Variants in BPIFA3 observed in about 807,000 individuals in gnomAD.
BPIFA3 encodes the protein BPI fold containing family A member 3, also known as BPI fold-containing family A member 3.
In BPIFA3, 32 loss-of-function variants were observed where a neutral mutation model predicts 29.7. The ratio of observed to expected loss-of-function variants is 1.08; its 90% CI spans 0.81 to 1.45. The LOEUF is 1.45. Among genes scored for constraint, BPIFA3 ranks in the 40% most tolerant of loss-of-function variants. BPIFA3 has a pLI of 0.00. For missense variants in BPIFA3, 323 were observed against 311.3 expected, an observed-to-expected ratio of 1.04 and a Z score of -0.28; for synonymous variants, 112 against 113.7, an observed-to-expected ratio of 0.98 and a Z score of 0.10.
chr20:33,223,755 G>A (rs1985633347), intron 1 of BPIFA3, 56 bp from the exon 2 acceptor site: 5 of 1,567,924 alleles, frequency 3.2e-6, no homozygotes, highest in Non-Finnish European at 4.3e-6. Flanking sequence ...CGAATCCCAA[G>A]CCCCCCACCT....
In BPIFA3 at chr20:33,223,845, A is replaced by G; in HGVS notation, c.162A>G (p.Glu54=). The part of the protein sequence containing the change: ...IAQGLIKHNA[E]SRIQNIHFGD... ...AGGGCCTCATAAAGCACAACGCAGAAAGCCGAATTCAGAACATCCACTTTG... is the reference window on the plus strand; with the variant it reads ...AGGGCCTCATAAAGCACAACGCAGAGAGCCGAATTCAGAACATCCACTTTG... The change falls in exon 2 of 7, where the codon GAA becomes GAG. Residue 54 remains glutamate (E), a synonymous_variant. Transcript: ENST00000375454. The G allele has an allele frequency of 6.2e-7, 1 of 1,614,150 alleles. No individual in the cohort carries two copies. Among genetic ancestry groups the G allele is most frequent in the Non-Finnish European group, 8.5e-7 (1 of 1,179,962 alleles).
At chr20:33,225,442 A>T in intron 4 of BPIFA3, 195 bp downstream of exon 4, 1 of 667,984 alleles carries the variant, frequency 1.5e-6, no homozygotes, top group Non-Finnish European at 2.4e-6. Flanking sequence ...CTCCCTCCTC[A>T]CTCCTCAAGC....
In BPIFA3 at chr20:33,217,630, G is replaced by C. The variant is rs181900900; in HGVS notation, c.94G>C (p.Ala32Pro). Residue 32 changes from alanine (A) to proline (P), a missense_variant, in exon 1 of 7, where the codon GCC becomes CCC. Transcript: ENST00000375454. ...HKQPWPGLAQ[A>P]HRDNKSTLAR... Reference sequence around the variant, plus strand: ...GCAGCCTTGGCCTGGCCTGGCCCAAGCCCACAGAGACAACAAATCCACCCT... The same window carrying C: ...GCAGCCTTGGCCTGGCCTGGCCCAACCCCACAGAGACAACAAATCCACCCT... 8.2e-4 allele frequency: 1,322 copies of C among 1,613,998 alleles called. 8 individuals are homozygous for C. Among genetic ancestry groups the C allele is most frequent in the South Asian group, 5.7e-3 (523 of 91,064 alleles).
intron 4 of BPIFA3, 164 bp from the exon 5 acceptor site, chr20:33,226,242 G>A: frequency 1.6e-6 from 1 of 606,602 alleles, no homozygotes; most frequent in Non-Finnish European, 2.9e-6. Context: ...GTGACCTTGG[G>A]CAAGGTCTGA....
chr20:33,223,322 A>G (rs6120172), intron 1 of BPIFA3: 19,962 of 154,680 alleles, frequency 0.13, 4,347 homozygotes, highest in African/African-American at 0.45. Context: ...GACAAAATAG[A>G]AAGGACTTAA....
rs532125562 is a variant in BPIFA3 at position 33,223,840 on chromosome 20, G to A, written c.157G>A (p.Ala53Thr). 137 of 1,614,022 alleles carry A rather than the reference G, an allele frequency of 8.5e-5. No homozygotes were observed. In the South Asian group the frequency reaches 1.2e-3, roughly 14 times the overall value. The stretch of plus-strand genomic sequence containing the variant: ...TGCTCAGGGCCTCATAAAGCACAAC[G>A]CAGAAAGCCGAATTCAGAACATCCA... The part of the protein sequence containing the change: ...IIAQGLIKHN[A>T]ESRIQNIHFG... The change falls in exon 2 of 7, where the codon GCA becomes ACA. Residue 53 changes from alanine to threonine, a missense_variant. Coordinates refer to ENST00000375454, the MANE Select transcript of BPIFA3 (RefSeq NM_178466.5).
chr20:33,218,586 G>A (rs887016686), intron 1 of BPIFA3, among the ~76,000 whole-genome samples: 80 of 152,210 alleles, frequency 5.3e-4, no homozygotes, highest in African/African-American at 1.7e-3. Flanking sequence ...GCTTGCAGAC[G>A]GACACCTTCT....
At chr20:33,221,794 A>G (rs1019814651) in intron 1 of BPIFA3, among the ~76,000 whole-genome samples, 1 of 152,246 alleles carries the variant, frequency 6.6e-6, no homozygotes, top group African/African-American at 2.4e-5. Flanking sequence ...TGGTTGGCAT[A>G]AATGTATCCT....
intron 4 of BPIFA3, 90 bp downstream of exon 4, chr20:33,225,337 G>A: frequency 3.2e-6 from 5 of 1,564,676 alleles, no homozygotes; most frequent in Non-Finnish European, 3.5e-6. Flanking sequence ...TCCTAAATTA[G>A]TCCAAAGCAG....
chr20:33,226,807 A>T, intron 5 of BPIFA3, 123 bp from the exon 6 acceptor site: 2 of 1,156,866 alleles, frequency 1.7e-6, no homozygotes, highest in Non-Finnish European at 2.6e-6. Flanking sequence ...ACTACAAGGG[A>T]GCTGCTCTGG....
chr20:33,227,081 C>A, intron 6 of BPIFA3, 88 bp downstream of exon 6: 1 of 1,187,198 alleles, frequency 8.4e-7, no homozygotes, highest in Non-Finnish European at 1.3e-6. Context: ...CCCAGGGAGG[C>A]CTGCTAAGGG....
chr20:33,219,840 G>A (rs898887098), intron 1 of BPIFA3, among the ~76,000 whole-genome samples: 1 of 152,178 alleles, frequency 6.6e-6, no homozygotes, highest in Admixed American at 6.5e-5. Context: ...GAGCACGGTG[G>A]CTCCCTAGCA....
chr20:33,225,572 G>A lies in BPIFA3; in HGVS notation c.536+325G>A, dbSNP rs760433993. On this transcript the variant is annotated intron_variant, in intron 4 of 6. Transcript: ENST00000375454. The stretch of plus-strand genomic sequence containing the variant: ...AAACTCACCTGGCTTTCCCTGGCCC[G>A]GATCTCCCCTCCTACACTCCATTCC... The A allele has an allele frequency of 1.7e-5, 5 of 286,902 alleles. No homozygotes were observed. The South Asian group carries it at 1.9e-4, about 11-fold the overall frequency. 17.8% of individuals were successfully genotyped at this position (286,902 alleles called of 1,614,324 possible). A position where few individuals can be genotyped will look rare whatever the true frequency, so the allele number is the denominator to read the frequency against.
intron 5 of BPIFA3, 56 bp from the exon 6 acceptor site, chr20:33,226,874 T>G: frequency 1.9e-6 from 3 of 1,607,452 alleles, no homozygotes; most frequent in Non-Finnish European, 2.6e-6. Flanking sequence ...CACAGTCACT[T>G]CAGTTTTCCT....
At chr20:33,220,723 T>C (rs1347785157) in intron 1 of BPIFA3, among the ~76,000 whole-genome samples, 1 of 152,242 alleles carries the variant, frequency 6.6e-6, no homozygotes, top group African/African-American at 2.4e-5. Flanking sequence ...GCTGACCTCT[T>C]ATATTTTTAT....
Position 33,226,448 on chromosome 20 carries a change from A to T in BPIFA3, c.579A>T (p.Lys193Asn). The stretch of plus-strand genomic sequence containing the variant: ...TGAATCAGTTTCTCTACAACCTCAA[A>T]GAGAATCTGCAAAAAGTTCTCCCAC... The part of the protein sequence containing the change: ...PKMNQFLYNL[K>N]ENLQKVLPHM... The change falls in exon 5 of 7, where the codon AAA (lysine) becomes AAT (asparagine). Residue 193 changes from lysine to asparagine, a missense_variant. Lys to Asn is a moderately conservative substitution (Grantham distance 94). Coordinates refer to ENST00000375454, the MANE Select transcript of BPIFA3 (RefSeq NM_178466.5). 6.2e-7 allele frequency: 1 copy of T among 1,611,220 alleles called. No homozygotes were observed. The highest frequency in any genetic ancestry group is 8.5e-7 in the Non-Finnish European group (1 of 1,179,240).
chr20:33,224,007 C>T (rs756085923), intron 2 of BPIFA3, 46 bp downstream of exon 2: 2 of 1,598,526 alleles, frequency 1.3e-6, no homozygotes, highest in East Asian at 2.2e-5. Context: ...CTTTATAGAG[C>T]TCTAGATCGA....
chr20:33,227,398 C>T (rs1600633014), intron 6 of BPIFA3, 140 bp from the exon 7 acceptor site: 8 of 693,070 alleles, frequency 1.2e-5, no homozygotes, highest in Non-Finnish European at 1.8e-5. Context: ...GCAAACAATT[C>T]AGCATCATTT....
At chr20:33,224,559 C>A in intron 3 of BPIFA3, 97 bp downstream of exon 3, 1 of 1,119,476 alleles carries the variant, frequency 8.9e-7, no homozygotes, top group South Asian at 1.4e-5. Context: ...AATTCAAATC[C>A]TGGCTTCCAA....
Sources: gnomAD v4.1 joint callset for allele counts (sites outside exome capture counted in the v4.1 genomes callset) on GRCh38, gnomAD v4.1.1 for gene constraint, MANE v1.5 for transcripts, NCBI Gene and HGNC (gene_info 2026-07-23, HGNC 2026-07-21) for gene names.